Variants in ITPKA observed in about 807,000 individuals in gnomAD.
ITPKA encodes the protein IP3 3-kinase A.
A neutral mutation model predicts 40.7 loss-of-function variants in ITPKA; 16 were observed. The observed-to-expected ratio is 0.39, with a 90% CI of 0.27 to 0.60. The LOEUF (loss-of-function observed/expected upper bound fraction) is 0.60. Among genes scored for constraint, ITPKA ranks in the 20% least tolerant of loss-of-function variants. The probability of loss-of-function intolerance (pLI) is 0.50; values close to 1 mark genes in which losing one functional copy is unlikely to be tolerated. For missense variants in ITPKA, 540 were observed against 649.3 expected, an observed-to-expected ratio of 0.83 and a Z score of 1.83; for synonymous variants, 313 against 289.9, an observed-to-expected ratio of 1.08 and a Z score of -0.81.
chr15:41,499,685 G>A (rs769654954), intron 1 of ITPKA, among the ~76,000 whole-genome samples: 26 of 152,166 alleles, frequency 1.7e-4, no homozygotes, highest in Non-Finnish European at 3.2e-4. Flanking sequence ...TACAACATGT[G>A]TAACTGTGCT....
intron 1 of ITPKA, 175 bp from the exon 2 acceptor site, chr15:41,501,288 C>G (rs771166107): frequency 1.0e-6 from 1 of 983,964 alleles, no homozygotes; most frequent in Non-Finnish European, 1.2e-6. Flanking sequence ...TGTATCAGCA[C>G]CCGCCACACA....
chr15:41,497,234 C>T (rs559718679), intron 1 of ITPKA, among the ~76,000 whole-genome samples: 4 of 152,238 alleles, frequency 2.6e-5, no homozygotes, highest in Non-Finnish European at 5.9e-5. Flanking sequence ...CTCAAGATAC[C>T]CAGGTAGCCT....
At chr15:41,501,603 G>T (rs1376866697) in intron 2 of ITPKA, 32 bp from the exon 3 acceptor site, 3 of 1,582,982 alleles carry the variant, frequency 1.9e-6, no homozygotes, top group African/African-American at 1.3e-5. Flanking sequence ...ACGGGAAGGG[G>T]CTGGGCGGCG....
intron 1 of ITPKA, among the ~76,000 whole-genome samples, chr15:41,500,865 C>T (rs1391897720): frequency 1.3e-5 from 2 of 151,782 alleles, no homozygotes; most frequent in African/African-American, 2.4e-5. Context: ...AAAAATTAGC[C>T]GGGCATAGTG....
intron 1 of ITPKA, among the ~76,000 whole-genome samples, chr15:41,496,344 G>T (rs901891165): frequency 6.6e-6 from 1 of 152,206 alleles, no homozygotes; most frequent in African/African-American, 2.4e-5. Context: ...GCAGGCCGGA[G>T]CCCAGGAAGT....
Position 41,503,461 on chromosome 15 carries a change from A to C in ITPKA, c.*295A>C. The C allele has an allele frequency of 1.6e-6, 1 of 622,922 alleles. No homozygotes were observed. The highest frequency in any genetic ancestry group is 3.0e-6 in the Non-Finnish European group (1 of 332,330). 38.6% of individuals were successfully genotyped at this position (622,922 alleles called of 1,614,324 possible). ...GCTCTGCCCTCTCCAGAGGTGCCAG[A>C]CCGCGGATTTTATTTAGCAAGCCCA... On this transcript the variant is annotated 3_prime_UTR_variant, in exon 7 of 7. Coordinates refer to ENST00000260386, the MANE Select transcript of ITPKA (RefSeq NM_002220.3).
Position 41,502,018 on chromosome 15 carries a change from G to A in ITPKA, c.825G>A (p.Leu275=). The change falls in exon 4 of 7, where the codon CTG becomes CTA. Residue 275 remains leucine, a synonymous_variant. Coordinates refer to ENST00000260386, the MANE Select transcript of ITPKA (RefSeq NM_002220.3). ...MGVRTYLEEE[L]TKARERPKLR... Reference sequence around the variant, plus strand: ...ACAGGACTTACCTAGAGGAGGAGCTGACCAAGGCCCGTGAGCGGCCCAAGC... The same window carrying A: ...ACAGGACTTACCTAGAGGAGGAGCTAACCAAGGCCCGTGAGCGGCCCAAGC... The A allele has an allele frequency of 9.3e-6, 15 of 1,613,258 alleles. No individual in the cohort carries two copies. Among genetic ancestry groups the A allele is most frequent in the Non-Finnish European group, 1.3e-5 (15 of 1,179,928 alleles).
In ITPKA at chr15:41,493,985, A is replaced by C; in HGVS notation, c.58A>C (p.Ser20Arg). 1.8e-6 allele frequency: 2 copies of C among 1,115,518 alleles called. No individual in the cohort carries two copies. Among genetic ancestry groups the C allele is most frequent in the Non-Finnish European group, 2.2e-6 (2 of 914,424 alleles). 69.1% of individuals were successfully genotyped at this position (1,115,518 alleles called of 1,614,324 possible). A position where few individuals can be genotyped will look rare whatever the true frequency, so the allele number is the denominator to read the frequency against. Residue 20 changes from serine (S) to arginine (R), a missense_variant, in exon 1 of 7, where the codon AGC becomes CGC. Transcript: ENST00000260386. ...MARPGGARPC[S>R]PGLERAPRRS... ...GCGGCCGGGGGGCGCGAGGCCCTGC[A>C]GCCCGGGGCTGGAGCGGGCCCCGCG... is the stretch of plus-strand genomic sequence containing the variant.
intron 1 of ITPKA, among the ~76,000 whole-genome samples, chr15:41,499,808 A>G (rs1312346866): frequency 2.6e-5 from 4 of 152,178 alleles, no homozygotes; most frequent in African/African-American, 9.7e-5. Flanking sequence ...GGAGAGGTCC[A>G]GAGGATGGGA....
intron 1 of ITPKA, among the ~76,000 whole-genome samples, chr15:41,498,601 C>T (rs1403003041): frequency 6.6e-6 from 1 of 152,194 alleles, no homozygotes; most frequent in African/African-American, 2.4e-5. Context: ...GGCAAGTTTC[C>T]TCTTCACTAA....
chr15:41,502,939 G>A (rs746750352), intron 6 of ITPKA, 24 bp from the exon 7 acceptor site: 9 of 1,597,268 alleles, frequency 5.6e-6, no homozygotes, highest in Non-Finnish European at 7.7e-6. Flanking sequence ...GCAGGGCCGC[G>A]GCCTGACGGT....
At chr15:41,497,328 A>G (rs1424387438) in intron 1 of ITPKA, among the ~76,000 whole-genome samples, 6 of 152,200 alleles carry the variant, frequency 3.9e-5, no homozygotes, top group Non-Finnish European at 7.3e-5. Flanking sequence ...TCCCGGGTTC[A>G]AGCGATTCTC....
rs140599842 is a variant in ITPKA, at chr15:41,502,048, G to A, written c.855G>A (p.Arg285=). ...AGGCCCGTGAGCGGCCCAAGCTGCG[G>A]AAGGACATGTACAAGAAAATGCTGG... ...LTKARERPKL[R]KDMYKKMLAV... is the part of the protein sequence containing the mutation. The change falls in exon 4 of 7, where the codon CGG becomes CGA. Residue 285 remains arginine, a synonymous_variant. Coordinates refer to ENST00000260386, the MANE Select transcript of ITPKA (RefSeq NM_002220.3). 1,069 of 1,613,400 alleles carry A rather than the reference G, an allele frequency of 6.6e-4. 4 individuals carry two copies. The highest frequency in any genetic ancestry group is 5.1e-3 in the Middle Eastern group (31 of 6,060).
chr15:41,501,195 T>G (rs1045959313), intron 1 of ITPKA: 1 of 402,092 alleles, frequency 2.5e-6, no homozygotes, highest in African/African-American at 2.2e-5. Flanking sequence ...GTGGCAGAGC[T>G]GGAGCGCAAA....
chr15:41,503,518 G>GGACT lies in ITPKA; in HGVS notation c.*353_*356dup. On this transcript the variant is annotated 3_prime_UTR_variant, in exon 7 of 7. Transcript: ENST00000260386. ...CCGGTCTAACGTCTCACACCACGAC[G>GGACT]GACTCCCCTTCCTAATAAAACTCAA... 1 of 595,712 alleles carries GGACT rather than the reference G, an allele frequency of 1.7e-6. No homozygotes were observed. The highest frequency in any genetic ancestry group is 1.9e-5 in the Admixed American group (1 of 53,640). The allele number at this position is 595,712 out of a possible 1,614,324, so 36.9% of individuals were successfully genotyped here.
intron 4 of ITPKA, 25 bp downstream of exon 4, chr15:41,502,226 ACCGCCGCAGC>A (rs1260788114): frequency 9.0e-6 from 14 of 1,548,386 alleles, no homozygotes; most frequent in African/African-American, 1.4e-5. Context: ...CTTCGCTGGC[ACCGCCGCAGC>A]CCCACTGCGC....
intron 1 of ITPKA, among the ~76,000 whole-genome samples, chr15:41,500,794 G>T (rs2051103892): frequency 6.6e-6 from 1 of 152,048 alleles, no homozygotes; most frequent in Admixed American, 6.6e-5. Flanking sequence ...GAACACCTGA[G>T]ATCAGGAGTT....
At chr15:41,496,281 C>G (rs980271643) in intron 1 of ITPKA, among the ~76,000 whole-genome samples, 1 of 152,244 alleles carries the variant, frequency 6.6e-6, no homozygotes, top group Non-Finnish European at 1.5e-5. Flanking sequence ...GAAGGATGCA[C>G]GTGGGCCGGA....
chr15:41,499,649 G>A (rs1174708464), intron 1 of ITPKA, among the ~76,000 whole-genome samples: 1 of 152,168 alleles, frequency 6.6e-6, no homozygotes, highest in Non-Finnish European at 1.5e-5. Flanking sequence ...ACTCCCTCTT[G>A]TCAGGGAGGT....
Sources: allele counts gnomAD v4.1 joint callset (sites outside exome capture counted in the v4.1 genomes callset), GRCh38; gene constraint gnomAD v4.1.1; transcripts MANE v1.5; gene names NCBI Gene and HGNC (gene_info 2026-07-23, HGNC 2026-07-21).